Variants in TIMP3 observed in about 807,000 individuals in gnomAD.
TIMP3 encodes the protein TIMP metallopeptidase inhibitor 3, also known as metalloproteinase inhibitor 3.
Under a neutral mutation model 30.0 loss-of-function variants are expected in TIMP3, and 11 were observed. That is an observed-to-expected ratio of 0.37 (90% CI 0.23 to 0.61). The LOEUF is 0.61. Among genes scored for constraint, TIMP3 ranks in the 20% least tolerant of loss-of-function variants. The pLI is 0.70. For missense variants in TIMP3, 181 were observed against 276.8 expected, an observed-to-expected ratio of 0.65 and a Z score of 2.45; for synonymous variants, 112 against 111.3, an observed-to-expected ratio of 1.01 and a Z score of -0.04.
intron 2 of TIMP3, among the ~76,000 whole-genome samples, chr22:32,854,564 G>A (rs962031373): frequency 3.9e-5 from 6 of 152,142 alleles, no homozygotes; most frequent in African/African-American, 2.4e-5. Context: ...GAAGTTGCTC[G>A]GCACAGAAGT....
rs538070544 is a variant in TIMP3 at position 32,812,784 on chromosome 22, C to CG, written c.121+10663dup. On this transcript the variant is annotated intron_variant, in intron 1 of 4. Coordinates refer to ENST00000266085, the MANE Select transcript of TIMP3 (RefSeq NM_000362.5). ...GGGTATTTGGAAGACTTAGATCAAA[C>CG]GTGTGCCCCATTGGGCAGTCACTAT... Among the ~76,000 whole-genome samples the CG allele has an allele frequency of 3.9e-4, 60 of 152,302 alleles. 1 individual carries two copies. The South Asian group carries it at 6.2e-3, about 16-fold the overall frequency.
At chr22:32,852,897 C>T (rs543463765) in intron 2 of TIMP3, among the ~76,000 whole-genome samples, 12 of 152,310 alleles carry the variant, frequency 7.9e-5, no homozygotes, top group African/African-American at 2.4e-4. Flanking sequence ...CATGAGAAAC[C>T]GATCCACTGT....
Position 32,859,695 on chromosome 22 carries a change from A to T in TIMP3, c.*318A>T. Reference sequence around the variant, plus strand: ...TCTCTATTTTTTTAGGAAAACAAAAATGAAAAACTACTCCATTTGAGGATT... The same window carrying T: ...TCTCTATTTTTTTAGGAAAACAAAATTGAAAAACTACTCCATTTGAGGATT... On this transcript the variant is annotated 3_prime_UTR_variant, in exon 5 of 5. Transcript: ENST00000266085. 7 of 336,046 alleles carry T rather than the reference A, an allele frequency of 2.1e-5. No homozygotes were observed. Among genetic ancestry groups the T allele is most frequent in the Middle Eastern group, 9.1e-4 (1 of 1,094 alleles). The allele number at this position is 336,046 out of a possible 1,614,324, so 20.8% of individuals were successfully genotyped here. A position where few individuals can be genotyped will look rare whatever the true frequency, so the allele number is the denominator to read the frequency against.
intron 1 of TIMP3, among the ~76,000 whole-genome samples, chr22:32,844,986 C>T (rs537379465): frequency 1.1e-4 from 16 of 152,304 alleles, no homozygotes; most frequent in Non-Finnish European, 1.9e-4. Context: ...GCCTTGGCCT[C>T]CCAAAGTGAT....
intron 1 of TIMP3, among the ~76,000 whole-genome samples, chr22:32,803,587 G>GGCA (rs1251126617): frequency 2.6e-5 from 4 of 152,154 alleles, no homozygotes; most frequent in African/African-American, 9.7e-5. Flanking sequence ...GATCCTTTTG[G>GGCA]GCAGCCTGAA....
intron 1 of TIMP3, among the ~76,000 whole-genome samples, chr22:32,806,261 C>T (rs564329658): frequency 6.6e-6 from 1 of 152,236 alleles, no homozygotes; most frequent in African/African-American, 2.4e-5. Flanking sequence ...GTGTCCCTTT[C>T]ACAGTCCCTG....
chr22:32,857,403 T>C (rs561492810), intron 3 of TIMP3, 43 bp downstream of exon 3: 1 of 1,456,694 alleles, frequency 6.9e-7, no homozygotes, highest in East Asian at 2.3e-5. Flanking sequence ...TTGGCCAAGG[T>C]CCACTGTTTC....
chr22:32,830,527 G>A (rs756086920), intron 1 of TIMP3, among the ~76,000 whole-genome samples: 4 of 152,138 alleles, frequency 2.6e-5, no homozygotes, highest in African/African-American at 7.2e-5. Flanking sequence ...ATCCTGGAAC[G>A]GAAGCTCTTG....
chr22:32,862,582 G>A lies in TIMP3; in HGVS notation c.*3205G>A, dbSNP rs1394237128. The A allele has an allele frequency of 6.6e-6, 1 of 152,226 alleles. No individual in the cohort carries two copies. The highest frequency in any genetic ancestry group is 1.5e-5 in the Non-Finnish European group (1 of 68,042). 9.4% of individuals were successfully genotyped at this position (152,226 alleles called of 1,614,324 possible). On this transcript the variant is annotated 3_prime_UTR_variant, in exon 5 of 5. Transcript: ENST00000266085. Reference sequence around the variant, plus strand: ...ATGGCACCCAAGTGTTTGGCTTCTGGCTACCTAAGGTTAACATGTCACTAG... The same window carrying A: ...ATGGCACCCAAGTGTTTGGCTTCTGACTACCTAAGGTTAACATGTCACTAG...
At chr22:32,817,931 C>T (rs142592084) in intron 1 of TIMP3, among the ~76,000 whole-genome samples, 74 of 152,308 alleles carry the variant, frequency 4.9e-4, no homozygotes, top group African/African-American at 1.8e-3. Flanking sequence ...ACTTCTCTTA[C>T]ATCACCGTCC....
At chr22:32,852,900 T>A (rs1042505105) in intron 2 of TIMP3, among the ~76,000 whole-genome samples, 1 of 152,144 alleles carries the variant, frequency 6.6e-6, no homozygotes, top group Non-Finnish European at 1.5e-5. Flanking sequence ...GAGAAACCGA[T>A]CCACTGTGCC....
At position 32,837,382 on chromosome 22, in the gene TIMP3, C is replaced by A. The variant is rs952799500; in HGVS notation, c.122-12070C>A. ...TGCATGGCAGTAAGCAAGTCGGCGC[C>A]TCTGACCCCTGAGTGGGCTTGAGCT... is the stretch of plus-strand genomic sequence containing the variant. On this transcript the variant is annotated intron_variant, in intron 1 of 4. Coordinates refer to ENST00000266085, the MANE Select transcript of TIMP3 (RefSeq NM_000362.5). This position sits in a 1 kb window ranked among gnomAD's most constrained non-coding sequence, Gnocchi z 4.1. Among the ~76,000 whole-genome samples the A allele has an allele frequency of 6.8e-6, 1 of 146,250 alleles. No homozygotes were observed. The highest frequency in any genetic ancestry group is 2.7e-5 in the African/African-American group (1 of 37,476).
At chr22:32,829,526 C>A (rs77183587) in intron 1 of TIMP3, among the ~76,000 whole-genome samples, 1,686 of 152,320 alleles carry the variant, frequency 0.011, 31 homozygotes, top group African/African-American at 0.038. Context: ...AGCCAGCATC[C>A]CCACCGCAGC....
chr22:32,811,828 G>A (rs1251459080), intron 1 of TIMP3, among the ~76,000 whole-genome samples: 1 of 152,236 alleles, frequency 6.6e-6, no homozygotes, highest in Non-Finnish European at 1.5e-5. Context: ...ACTTGTCAAG[G>A]ATCTGGTGCT....
intron 1 of TIMP3, among the ~76,000 whole-genome samples, chr22:32,827,843 T>G (rs1222094635): frequency 1.3e-5 from 2 of 152,156 alleles, no homozygotes; most frequent in African/African-American, 2.4e-5. Context: ...CTTTTGAACT[T>G]GCTGTCCTCT....
intron 1 of TIMP3, among the ~76,000 whole-genome samples, chr22:32,815,623 A>G (rs1000511330): frequency 2.3e-4 from 35 of 152,226 alleles, no homozygotes; most frequent in Non-Finnish European, 3.8e-4. Flanking sequence ...AGATCTTTAT[A>G]TACATATATA....
chr22:32,834,221 C>T (rs1257873561), intron 1 of TIMP3, among the ~76,000 whole-genome samples: 2 of 151,954 alleles, frequency 1.3e-5, no homozygotes, highest in African/African-American at 4.8e-5. Flanking sequence ...GGCACGATCT[C>T]GGCTCACTGC....
chr22:32,840,108 A>C (rs1488279588), intron 1 of TIMP3, among the ~76,000 whole-genome samples: 1 of 152,084 alleles, frequency 6.6e-6, no homozygotes, highest in African/African-American at 2.4e-5. Context: ...GGAGGTTTTC[A>C]TATCCTCCAG....
intron 1 of TIMP3, among the ~76,000 whole-genome samples, chr22:32,817,034 A>G (rs1348933002): frequency 2.0e-5 from 3 of 150,922 alleles, no homozygotes; most frequent in African/African-American, 4.9e-5. Flanking sequence ...TCTGGGTCAC[A>G]TAGTAAGATT....
Sources: allele counts gnomAD v4.1 joint callset (sites outside exome capture counted in the v4.1 genomes callset), GRCh38; gene constraint gnomAD v4.1.1; non-coding constraint Gnocchi (gnomAD v3.1); transcripts MANE v1.5; gene names NCBI Gene and HGNC (gene_info 2026-07-23, HGNC 2026-07-21).